THSD4: variants seen among roughly 807,000 people sequenced by gnomAD.
THSD4 encodes the protein thrombospondin type-1 domain-containing protein 4.
A neutral mutation model predicts 119.0 loss-of-function variants in THSD4; 69 were observed. The ratio of observed to expected loss-of-function variants is 0.58; its 90% confidence interval spans 0.48 to 0.71. The LOEUF is 0.71. Among genes scored for constraint, THSD4 ranks in the 30% least tolerant of loss-of-function variants. The pLI is 0.00. For missense variants in THSD4, 1,393 were observed against 1,391.1 expected (o/e 1.00, Z -0.02); for synonymous variants, 524 against 540.4 (o/e 0.97, Z 0.42).
At chr15:71,760,674 T>C (rs1423284095) in intron 15 of THSD4, among the ~76,000 whole-genome samples, 3 of 152,234 alleles carry the variant, frequency 2.0e-5, no homozygotes, top group Non-Finnish European at 2.9e-5. Context: ...TGGGTCTGGA[T>C]TGCATTTTAT....
Position 71,353,595 on chromosome 15 carries a change from C to T in THSD4, c.1016-58092C>T, listed in dbSNP as rs370112966. ...TCCAGGACACCTTTTATATTGTATA[C>T]AAAATGTTTTCTCTGTGAACACATT... On this transcript the variant is annotated intron_variant, in intron 6 of 17. Coordinates refer to ENST00000261862, the MANE Select transcript of THSD4 (RefSeq NM_024817.3). 5.9e-5 allele frequency among the ~76,000 whole-genome samples: 9 copies of T among 152,166 alleles called. No individual in the cohort carries two copies. The South Asian group carries it at 1.7e-3, about 28-fold the overall frequency.
At chr15:71,578,546 A>G (rs915550103) in intron 7 of THSD4, among the ~76,000 whole-genome samples, 1 of 152,134 alleles carries the variant, frequency 6.6e-6, no homozygotes, top group African/African-American at 2.4e-5. Flanking sequence ...CATGTTGCCC[A>G]GGCTGGTCTC....
intron 1 of THSD4, among the ~76,000 whole-genome samples, chr15:71,118,221 G>A (rs190525345): frequency 1.3e-5 from 2 of 152,200 alleles, no homozygotes; most frequent in East Asian, 3.9e-4. Context: ...CATTTAAAAT[G>A]TTTCCTAATC....
chr15:71,229,992 A>G (rs2044047532), intron 4 of THSD4, among the ~76,000 whole-genome samples: 1 of 152,242 alleles, frequency 6.6e-6, no homozygotes, highest in East Asian at 1.9e-4. Context: ...AAAGATGCTC[A>G]AGAAGTGTAG....
chr15:71,309,780 G>A (rs183227867), intron 6 of THSD4, among the ~76,000 whole-genome samples: 127 of 152,296 alleles, frequency 8.3e-4, no homozygotes, highest in Middle Eastern at 3.4e-3. Flanking sequence ...CTTGTTGACC[G>A]TATATGTATG....
At chr15:71,453,819 G>T (rs554721548) in intron 7 of THSD4, among the ~76,000 whole-genome samples, 1 of 152,166 alleles carries the variant, frequency 6.6e-6, no homozygotes, top group Non-Finnish European at 1.5e-5. Context: ...CATCATAACC[G>T]CCTGCTGGCA....
chr15:71,600,456 A>G (rs967394374), intron 7 of THSD4, among the ~76,000 whole-genome samples: 1 of 152,246 alleles, frequency 6.6e-6, no homozygotes, highest in East Asian at 1.9e-4. Flanking sequence ...TGTCTGAATC[A>G]TCATAAGCCC....
At chr15:71,251,889 G>C (rs1363165518) in intron 5 of THSD4, among the ~76,000 whole-genome samples, 1 of 152,162 alleles carries the variant, frequency 6.6e-6, no homozygotes, top group Non-Finnish European at 1.5e-5. Context: ...AGCAACCCCA[G>C]GCAATTGTCT....
At chr15:71,749,733 A>ATTTATTTATTTATTTC (rs1256003466) in intron 14 of THSD4, among the ~76,000 whole-genome samples, 10 of 146,244 alleles carry the variant, frequency 6.8e-5, no homozygotes, top group Admixed American at 6.1e-4. Context: ...TTATTTATTT[A>ATTTATTTATTTATTTC]TTTTGAGACC....
At chr15:71,765,330 G>A in intron 16 of THSD4, 131 bp downstream of exon 16, 1 of 1,124,288 alleles carries the variant, frequency 8.9e-7, no homozygotes, top group Non-Finnish European at 1.2e-6. Flanking sequence ...ACCTTAGGTG[G>A]TAGCTGCTGG....
chr15:71,120,427 A>T (rs911473499), intron 1 of THSD4, among the ~76,000 whole-genome samples: 4 of 152,032 alleles, frequency 2.6e-5, no homozygotes, highest in African/African-American at 9.7e-5. Context: ...CTGATCACTG[A>T]GGTGTCATCC....
rs147426821 is a variant in THSD4, at chr15:71,553,609, C to T, written c.1153-106921C>T. ...CTCAAAATGCTGGGATGAGCCACTGCGCCCAGCTCTTCCAGACTTAAATGG... is the reference window on the plus strand; with the variant it reads ...CTCAAAATGCTGGGATGAGCCACTGTGCCCAGCTCTTCCAGACTTAAATGG... On this transcript the variant is annotated intron_variant, in intron 7 of 17. Coordinates refer to ENST00000261862, the MANE Select transcript of THSD4 (RefSeq NM_024817.3). 5.6e-4 allele frequency among the ~76,000 whole-genome samples: 86 copies of T among 152,258 alleles called. 1 individual carries two copies. Among genetic ancestry groups the T allele is most frequent in the African/African-American group, 2.0e-3 (83 of 41,552 alleles).
chr15:71,253,823 A>G (rs1267802277), intron 5 of THSD4, among the ~76,000 whole-genome samples: 1 of 152,240 alleles, frequency 6.6e-6, no homozygotes, highest in African/African-American at 2.4e-5. Flanking sequence ...CCTTCCAGAG[A>G]TAACACTTTT....
At chr15:71,230,580 C>T (rs2044052922) in intron 4 of THSD4, among the ~76,000 whole-genome samples, 2 of 152,226 alleles carry the variant, frequency 1.3e-5, no homozygotes, top group African/African-American at 4.8e-5. Flanking sequence ...CTCCATTTTG[C>T]TGCTGGAGAC....
intron 1 of THSD4, among the ~76,000 whole-genome samples, chr15:71,123,791 A>G (rs1427895565): frequency 6.6e-6 from 1 of 152,226 alleles, no homozygotes; most frequent in Non-Finnish European, 1.5e-5. Context: ...GTTGTGTTTT[A>G]TGGGAGGGCT....
chr15:71,564,274 T>C (rs1447039141), intron 7 of THSD4, among the ~76,000 whole-genome samples: 1 of 152,174 alleles, frequency 6.6e-6, no homozygotes, highest in Non-Finnish European at 1.5e-5. Context: ...GGGCAGAGGT[T>C]CCCAGAGAGG....
chr15:71,203,282 G>T (rs1313863762), intron 3 of THSD4, among the ~76,000 whole-genome samples: 1 of 152,144 alleles, frequency 6.6e-6, no homozygotes, highest in African/African-American at 2.4e-5. Flanking sequence ...AGTAATTTTG[G>T]ATTTTATCTT....
At chr15:71,653,067 T>C (rs7182335) in intron 7 of THSD4, among the ~76,000 whole-genome samples, 60,763 of 151,998 alleles carry the variant, frequency 0.4, 13,049 homozygotes, top group East Asian at 0.9. Context: ...AGGTTGGTCC[T>C]GTAACTTTGA....
chr15:71,114,380 C>T (rs1462495132), upstream of THSD4, among the ~76,000 whole-genome samples: 1 of 152,178 alleles, frequency 6.6e-6, no homozygotes, highest in Non-Finnish European at 1.5e-5. Context: ...ACTTTCAAAA[C>T]AACCCCTGCA....
Sources: gnomAD v4.1 joint callset for allele counts (sites outside exome capture counted in the v4.1 genomes callset) on GRCh38, gnomAD v4.1.1 for gene constraint, MANE v1.5 for transcripts, NCBI Gene and HGNC (gene_info 2026-07-23, HGNC 2026-07-21) for gene names.